TGM5: variants seen among roughly 807,000 people sequenced by gnomAD.
TGM5 encodes protein-glutamine gamma-glutamyltransferase 5.
In TGM5, 69 loss-of-function variants were observed where a neutral mutation model predicts 77.2. That is an observed-to-expected ratio of 0.89 (90% CI 0.74 to 1.09). TGM5 has a LOEUF of 1.09. Ranked by LOEUF, TGM5 falls within the 50% of genes least tolerant of loss-of-function variation. The pLI, the probability that TGM5 is intolerant of heterozygous loss-of-function variation, is 0.00. For missense variants in TGM5, 842 were observed against 896.5 expected, an observed-to-expected ratio of 0.94 and a Z score of 0.78; for synonymous variants, 346 against 351.8, an observed-to-expected ratio of 0.98 and a Z score of 0.18.
Position 43,252,920 on chromosome 15 carries a change from T to G in TGM5, c.701A>C (p.Asp234Ala), listed in dbSNP as rs759433715. The stretch of plus-strand genomic sequence containing the variant: ...CCAGTTTCCATTGAGCACCCCATTA[T>G]CATCATTGCTGTTGATCTGAAGAGA... ...VVCAMINSND[D>A]NGVLNGNWSE... Residue 234 changes from aspartate (D) to alanine (A), a missense_variant, in exon 6 of 13, where the codon GAT becomes GCT. By Grantham distance (126) the Asp-to-Ala change is moderately radical (BLOSUM62 -2). Around this residue, in one of 2 missense-constraint regions of TGM5, gnomAD observed 815 missense variants for 844.6 expected, o/e 0.96. Coordinates refer to ENST00000220420, the MANE Select transcript of TGM5 (RefSeq NM_201631.4). The G allele has an allele frequency of 3.1e-6, 5 of 1,613,352 alleles. No homozygotes were observed. The highest frequency in any genetic ancestry group is 4.2e-6 in the Non-Finnish European group (5 of 1,180,032).
Position 43,239,173 on chromosome 15 carries a change from C to A in TGM5, c.1095G>T (p.Glu365Asp). The A allele has an allele frequency of 6.2e-7, 1 of 1,614,186 alleles. No individual in the cohort carries two copies. Among genetic ancestry groups the A allele is most frequent in the South Asian group, 1.1e-5 (1 of 91,086 alleles). The change falls in exon 8 of 13, where the codon GAG (glutamate) becomes GAT (aspartate). Residue 365 changes from glutamate (E) to aspartate (D), a missense_variant. Coordinates refer to ENST00000220420, the MANE Select transcript of TGM5 (RefSeq NM_201631.4). Reference protein sequence around the residue: ...GWQVLDATPQEMSNGVYCCGP... With the variant: ...GWQVLDATPQDMSNGVYCCGP... The stretch of plus-strand genomic sequence containing the variant: ...TCTGGAGAGCCTCACCGTTGCTCAT[C>A]TCCTGAGGTGTGGCGTCCAGCACCT...
chr15:43,251,742 G>T (rs1596447450), intron 6 of TGM5, among the ~76,000 whole-genome samples: 1 of 152,288 alleles, frequency 6.6e-6, no homozygotes, highest in South Asian at 2.1e-4. Flanking sequence ...TCACCTCCAT[G>T]TGTGACTCAT....
chr15:43,251,379 C>T (rs1426162039), intron 6 of TGM5, among the ~76,000 whole-genome samples: 3 of 152,096 alleles, frequency 2.0e-5, no homozygotes, highest in Non-Finnish European at 4.4e-5. Context: ...CTCTGAGCTT[C>T]CTTCAGGGAA....
intron 6 of TGM5, among the ~76,000 whole-genome samples, chr15:43,245,768 A>G (rs540511552): frequency 6.6e-6 from 1 of 152,268 alleles, no homozygotes; most frequent in South Asian, 2.1e-4. Flanking sequence ...AAAGCACAGC[A>G]TGTAGGACCT....
intron 4 of TGM5, among the ~76,000 whole-genome samples, chr15:43,255,721 C>G (rs1235720086): frequency 6.6e-6 from 1 of 152,096 alleles, no homozygotes; most frequent in Admixed American, 6.5e-5. Context: ...CCACAGTGCT[C>G]TTGGCACTGG....
chr15:43,259,108 C>A (rs1473049040), intron 3 of TGM5, among the ~76,000 whole-genome samples: 1 of 151,994 alleles, frequency 6.6e-6, no homozygotes. Context: ...AGCGGATGGT[C>A]CCCTAAGTCA....
At chr15:43,255,583 A>T (rs1016659562) in intron 4 of TGM5, among the ~76,000 whole-genome samples, 2 of 152,068 alleles carry the variant, frequency 1.3e-5, no homozygotes, top group Non-Finnish European at 1.5e-5. Flanking sequence ...AAGGACACAT[A>T]TGTTGGAGTT....
At position 43,245,902 on chromosome 15, in the gene TGM5, G is replaced by T. The variant is rs879695336; in HGVS notation, c.863-4912C>A. 1.6e-3 allele frequency among the ~76,000 whole-genome samples: 233 copies of T among 148,020 alleles called. 4 individuals are homozygous for T. The South Asian group carries it at 0.023, about 15-fold the overall frequency. ...AGGGTTATCTGTGTGTGTGTGTTGG[G>T]GGGGGGGGTCTTAAATGGCAAAAAA... On this transcript the variant is annotated intron_variant, in intron 6 of 12. Coordinates refer to ENST00000220420, the MANE Select transcript of TGM5 (RefSeq NM_201631.4).
rs1387299009 is a variant in TGM5, at chr15:43,261,074, G to GTTTTT, written c.11-496_11-495insAAAAA. 6.0e-4 allele frequency among the ~76,000 whole-genome samples: 44 copies of GTTTTT among 73,870 alleles called. 3 individuals carry two copies. Among genetic ancestry groups the GTTTTT allele is most frequent in the East Asian group, 1.1e-3 (2 of 1,856 alleles). The allele number at this position is 73,870 out of a possible 152,430, so 48.5% of individuals were successfully genotyped here. A position where few individuals can be genotyped will look rare whatever the true frequency, so the allele number is the denominator to read the frequency against. On this transcript the variant is annotated intron_variant, in intron 1 of 12. Transcript: ENST00000220420. ...AGCTGCTCTTCCTTTTTTTGTGTGT[G>GTTTTT]TGTTTTTTTTTTTTTTTTTTTTTTT... is the stretch of plus-strand genomic sequence containing the variant.
intron 7 of TGM5, chr15:43,239,714 C>G: frequency 4.9e-6 from 1 of 205,618 alleles, no homozygotes; most frequent in South Asian, 7.6e-5. Context: ...CTCTTGTGGA[C>G]CTCTCTTTGC....
rs748868470 is a variant in TGM5, at chr15:43,233,316, C to T, written c.2038G>A (p.Ala680Thr). The T allele has an allele frequency of 3.7e-6, 6 of 1,613,918 alleles. No individual in the cohort carries two copies. The Admixed American group carries it at 1.0e-4, about 27-fold the overall frequency. The change falls in exon 13 of 13, where the codon GCA becomes ACA. Residue 680 changes from alanine to threonine, a missense_variant. Ala to Thr is a moderately conservative substitution (Grantham distance 58, BLOSUM62 0). Around this residue, in one of 2 missense-constraint regions of TGM5, gnomAD observed 27 missense variants for 51.8 expected, o/e 0.52. Transcript: ENST00000220420. ...FLGVLKPQHQASIILETVPFK... is the reference protein window; with the variant it reads ...FLGVLKPQHQTSIILETVPFK... ...GGGACGGTCTCCAGAATGATGCTTG[C>T]TTGGTGTTGGGGTTTGAGGACTCCA...
At position 43,239,226 on chromosome 15, in the gene TGM5, C is replaced by A. The variant is rs200787692; in HGVS notation, c.1042G>T (p.Asp348Tyr). The change falls in exon 8 of 13, where the codon GAT becomes TAT. Residue 348 changes from aspartate to tyrosine, a missense_variant. Transcript: ENST00000220420. ...CAGCCTCCATATGCAGGGGGCAGAT[C>A]CTTCCGGGCCATCCAGCACTCATTC... ...VWNECWMARK[D>Y]LPPAYGGWQV... is the part of the protein sequence containing the mutation. The A allele has an allele frequency of 8.2e-5, 132 of 1,614,162 alleles. No homozygotes were observed. Among genetic ancestry groups the A allele is most frequent in the Non-Finnish European group, 1.1e-4 (125 of 1,180,024 alleles).
chr15:43,266,732 T>C (rs1303978589), intron 1 of TGM5, 108 bp downstream of exon 1: 1 of 1,414,920 alleles, frequency 7.1e-7, no homozygotes, highest in Non-Finnish European at 1.0e-6. Flanking sequence ...CTCAGTTCTG[T>C]ATTTACTTCT....
intron 1 of TGM5, among the ~76,000 whole-genome samples, chr15:43,263,129 A>C (rs943648377): frequency 6.6e-6 from 1 of 152,250 alleles, no homozygotes; most frequent in South Asian, 2.1e-4. Flanking sequence ...TTATAACAGC[A>C]TCAAAAAGAA....
At chr15:43,256,541 T>G (rs761983259) in intron 4 of TGM5, 27 bp downstream of exon 4, 46 of 1,566,502 alleles carry the variant, frequency 2.9e-5, no homozygotes, top group Non-Finnish European at 4.0e-5. Flanking sequence ...GGGGCCGGGA[T>G]GGGCCATAAG....
In TGM5 at chr15:43,260,124, C is replaced by A. The variant is rs974988804; in HGVS notation, c.364G>T (p.Asp122Tyr). ...VGRYLLKIHI[D>Y]SFQGSVTAYQ... ...GCCGTCACAGACCCCTGGAAGGAGT[C>A]GATGTGGATTTTCAAGAGGTACCGA... is the stretch of plus-strand genomic sequence containing the variant. The change falls in exon 3 of 13, where the codon GAC becomes TAC. Residue 122 changes from aspartate (D) to tyrosine (Y), a missense_variant. Coordinates refer to ENST00000220420, the MANE Select transcript of TGM5 (RefSeq NM_201631.4). 2.5e-5 allele frequency: 40 copies of A among 1,613,944 alleles called. No homozygotes were observed. Among genetic ancestry groups the A allele is most frequent in the Non-Finnish European group, 3.2e-5 (38 of 1,180,008 alleles).
intron 3 of TGM5, among the ~76,000 whole-genome samples, chr15:43,258,691 G>A (rs1435693844): frequency 6.6e-6 from 1 of 152,212 alleles, no homozygotes; most frequent in Non-Finnish European, 1.5e-5. Context: ...GCTACACAGT[G>A]AGGCTTCCCA....
intron 1 of TGM5, among the ~76,000 whole-genome samples, chr15:43,261,874 C>T (rs1566837817): frequency 6.6e-6 from 1 of 152,180 alleles, no homozygotes; most frequent in South Asian, 2.1e-4. Context: ...TACCTTTCCT[C>T]AAGACAATTT....
At chr15:43,247,280 T>A (rs2042675457) in intron 6 of TGM5, among the ~76,000 whole-genome samples, 1 of 149,696 alleles carries the variant, frequency 6.7e-6, no homozygotes, top group South Asian at 2.1e-4. Flanking sequence ...ATCAACAGCA[T>A]AACACAATAA....
Sources: allele counts gnomAD v4.1 joint callset (sites outside exome capture counted in the v4.1 genomes callset), GRCh38; gene constraint gnomAD v4.1.1; regional missense constraint gnomAD v4.1.1; transcripts MANE v1.5; gene names NCBI Gene and HGNC (gene_info 2026-07-23, HGNC 2026-07-21).